PATL1: variants seen among roughly 807,000 people sequenced by gnomAD.
PATL1 encodes the protein PAT1 homolog 1, processing body mRNA decay factor, also known as protein PAT1 homolog 1.
In PATL1, 32 loss-of-function variants were observed where a neutral mutation model predicts 100.6. The observed-to-expected ratio is 0.32, with a 90% CI of 0.24 to 0.43. The LOEUF is 0.43. PATL1 is among the 20% of genes least tolerant of loss of function. PATL1 has a pLI of 1.00. For missense variants in PATL1, 747 were observed against 949.9 expected (o/e 0.79, Z 2.81); for synonymous variants, 332 against 330.0 (o/e 1.01, Z -0.07).
At chr11:59,647,960 A>G in intron 14 of PATL1, 47 bp from the exon 15 acceptor site, 1 of 1,539,146 alleles carries the variant, frequency 6.5e-7, no homozygotes, top group East Asian at 2.3e-5. Flanking sequence ...AACAATTAAG[A>G]AACCCTCATT....
chr11:59,665,430 G>A (rs1187037748), intron 2 of PATL1, among the ~76,000 whole-genome samples: 3 of 152,190 alleles, frequency 2.0e-5, no homozygotes, highest in African/African-American at 4.8e-5. Context: ...GAACATAAAC[G>A]CTGTTATTGC....
rs750391648 is a variant in PATL1, at chr11:59,652,850, A to G, written c.1290T>C (p.Asp430=). 1 of 1,613,534 alleles carries G rather than the reference A, an allele frequency of 6.2e-7. No homozygotes were observed. Among genetic ancestry groups the G allele is most frequent in the Non-Finnish European group, 8.5e-7 (1 of 1,179,802 alleles). The change falls in exon 10 of 19, where the codon GAT becomes GAC. Residue 430 remains aspartate, a synonymous_variant. Coordinates refer to ENST00000300146, the MANE Select transcript of PATL1 (RefSeq NM_152716.3). ...ACAGAGTATTTACCTGGTAATAAAA[A>G]TCATCCAGGTAGGGATCAGTGCTTT... ...QLQSTDPYLD[D]FYYQNYFEKL...
chr11:59,650,345 C>A (rs1173940106), intron 13 of PATL1, among the ~76,000 whole-genome samples: 4 of 152,186 alleles, frequency 2.6e-5, no homozygotes, highest in African/African-American at 4.8e-5. Flanking sequence ...TTACATTTTA[C>A]AAATCAACTA....
intron 16 of PATL1, 78 bp downstream of exon 16, chr11:59,642,802 T>C: frequency 1.4e-6 from 2 of 1,439,438 alleles, no homozygotes; most frequent in Non-Finnish European, 1.9e-6. Flanking sequence ...TTGCTAGAGA[T>C]ACAGCAGCCA....
Position 59,666,514 on chromosome 11 carries a change from A to C in PATL1, c.127+339T>G, listed in dbSNP as rs150066409. 1.2e-3 allele frequency among the ~76,000 whole-genome samples: 181 copies of C among 152,324 alleles called. 1 individual carries two copies. Among genetic ancestry groups the C allele is most frequent in the African/African-American group, 4.2e-3 (173 of 41,576 alleles). ...TAAGTTATATGTTATACAAATAAAA[A>C]TTCCTCTCATCTAGGATTAATTTAA... is the stretch of plus-strand genomic sequence containing the variant. On this transcript the variant is annotated intron_variant, in intron 2 of 18. Transcript: ENST00000300146.
At chr11:59,645,820 C>T (rs550207341) in intron 15 of PATL1, among the ~76,000 whole-genome samples, 4 of 152,168 alleles carry the variant, frequency 2.6e-5, no homozygotes, top group Non-Finnish European at 5.9e-5. Context: ...AATCTATTAA[C>T]TTCCTTGCTT....
intron 1 of PATL1, among the ~76,000 whole-genome samples, chr11:59,667,321 C>T (rs1861705032): frequency 6.6e-6 from 1 of 152,180 alleles, no homozygotes; most frequent in South Asian, 2.1e-4. Flanking sequence ...TAATAATGAA[C>T]CCTTTATTTT....
At chr11:59,644,321 T>A (rs2134739261) in intron 15 of PATL1, among the ~76,000 whole-genome samples, 1 of 152,086 alleles carries the variant, frequency 6.6e-6, no homozygotes, top group South Asian at 2.1e-4. Context: ...AACAATAATT[T>A]TTCTTCATAG....
At chr11:59,653,704 A>T (rs1354711752) in intron 9 of PATL1, among the ~76,000 whole-genome samples, 4 of 152,166 alleles carry the variant, frequency 2.6e-5, no homozygotes, top group African/African-American at 9.7e-5. Context: ...TCCTCCCTGA[A>T]ATGTTTTTCT....
At chr11:59,658,084 AGCCC>A in intron 4 of PATL1, among the ~76,000 whole-genome samples, 1 of 151,876 alleles carries the variant, frequency 6.6e-6, no homozygotes, top group African/African-American at 2.4e-5. Context: ...GGATCACTTG[AGCCC>A]GGAAGTTCAA....
At chr11:59,641,370 C>A (rs1861276101) in intron 16 of PATL1, among the ~76,000 whole-genome samples, 1 of 151,940 alleles carries the variant, frequency 6.6e-6, no homozygotes, top group Non-Finnish European at 1.5e-5. Context: ...AAATGTATGA[C>A]TCATACCTAT....
At chr11:59,653,936 T>C (rs1229872964) in intron 9 of PATL1, 47 bp downstream of exon 9, 1 of 1,521,282 alleles carries the variant, frequency 6.6e-7, no homozygotes, top group Non-Finnish European at 9.1e-7. Flanking sequence ...ACTGTTAAAA[T>C]TAAAAGCTGA....
chr11:59,663,374 A>G (rs1249869388), intron 2 of PATL1, among the ~76,000 whole-genome samples: 5 of 152,170 alleles, frequency 3.3e-5, no homozygotes, highest in African/African-American at 7.2e-5. Flanking sequence ...TCTAAAGACT[A>G]TAGTAGCTAT....
rs1217757857 is a variant in PATL1, at chr11:59,639,064, G to GC, written c.2274dup (p.Leu759AlafsTer113). On this transcript the variant is annotated frameshift_variant, in exon 18 of 19. Transcript: ENST00000300146. LOFTEE classifies it high-confidence loss of function. ...CAAACTTACTGCAGTTTTGTCTCCA[G>GC]CAAGTTCAGTTTCTGCCGGTCAACA... The GC allele has an allele frequency of 6.2e-7, 1 of 1,613,354 alleles. No individual in the cohort carries two copies. Among genetic ancestry groups the GC allele is most frequent in the African/African-American group, 1.3e-5 (1 of 74,880 alleles).
Position 59,638,264 on chromosome 11 carries a change from T to C in PATL1, c.*126A>G, listed in dbSNP as rs947871378. On this transcript the variant is annotated 3_prime_UTR_variant, in exon 19 of 19. Coordinates refer to ENST00000300146, the MANE Select transcript of PATL1 (RefSeq NM_152716.3). ...GAGAGACAACCCCTGTAAACAGGAA[T>C]CGATCCCACAAGACTTTGCTTTGGG... 1.1e-6 allele frequency: 1 copy of C among 926,768 alleles called. No individual in the cohort carries two copies. The highest frequency in any genetic ancestry group is 1.7e-6 in the Non-Finnish European group (1 of 587,086). 57.4% of individuals were successfully genotyped at this position (926,768 alleles called of 1,614,324 possible).
chr11:59,655,970 G>A lies in PATL1; in HGVS notation c.799C>T (p.Leu267Phe), dbSNP rs1861523929. 6.3e-7 allele frequency: 1 copy of A among 1,593,494 alleles called. No homozygotes were observed. Among genetic ancestry groups the A allele is most frequent in the Non-Finnish European group, 8.5e-7 (1 of 1,170,098 alleles). ...VLSPLQRAQL[L>F]GGAQLQPGRM... ...CACAGGCTTACCTGTGCTCCTCCAAGAAGCTGTGCTCTCTGGAGGGGGCTG... is the reference window on the plus strand; with the variant it reads ...CACAGGCTTACCTGTGCTCCTCCAAAAAGCTGTGCTCTCTGGAGGGGGCTG... Residue 267 changes from leucine (L) to phenylalanine (F), a missense_variant, in exon 7 of 19, where the codon CTT (leucine) becomes TTT (phenylalanine). By Grantham distance (22) the Leu-to-Phe change is conservative. Coordinates refer to ENST00000300146, the MANE Select transcript of PATL1 (RefSeq NM_152716.3).
chr11:59,638,626 C>A (rs1418880486), intron 18 of PATL1, among the ~76,000 whole-genome samples: 1 of 152,058 alleles, frequency 6.6e-6, no homozygotes, highest in Non-Finnish European at 1.5e-5. Flanking sequence ...AATAAAAAGT[C>A]AATCTCTTCC....
Position 59,668,911 on chromosome 11 carries a change from C to G in PATL1, c.-16G>C. 1 of 632,750 alleles carries G rather than the reference C, an allele frequency of 1.6e-6. No homozygotes were observed. Among genetic ancestry groups the G allele is most frequent in the Non-Finnish European group, 2.4e-6 (1 of 416,642 alleles). 39.2% of individuals were successfully genotyped at this position (632,750 alleles called of 1,614,324 possible). ...AGCGGAACATTCTTGGGGAGGGGGG[C>G]AGGGAGCGGGGAGGGGAGAGGGGGA... On this transcript the variant is annotated 5_prime_UTR_variant, in exon 1 of 19. Transcript: ENST00000300146.
intron 2 of PATL1, among the ~76,000 whole-genome samples, chr11:59,659,673 G>A (rs1861601788): frequency 6.6e-6 from 1 of 151,922 alleles, no homozygotes; most frequent in African/African-American, 2.4e-5. Flanking sequence ...TGGAGTAGCT[G>A]GGACTACAGG....
Sources: allele counts gnomAD v4.1 joint callset (sites outside exome capture counted in the v4.1 genomes callset), GRCh38; gene constraint gnomAD v4.1.1; transcripts MANE v1.5; gene names NCBI Gene and HGNC (gene_info 2026-07-23, HGNC 2026-07-21).